MRPS23: variants seen among roughly 807,000 people sequenced by gnomAD.
MRPS23 encodes mitochondrial ribosomal protein S23.
MRPS23 carries 14 observed loss-of-function variants against 19.8 expected under a neutral mutation model. That is an observed-to-expected ratio of 0.71 (90% CI 0.47 to 1.11). The LOEUF is 1.11. Among genes scored for constraint, MRPS23 ranks in the 50% least tolerant of loss-of-function variants. The probability of loss-of-function intolerance (pLI) is 0.00; values close to 1 mark genes in which losing one functional copy is unlikely to be tolerated. For missense variants in MRPS23, 242 were observed against 236.7 expected, an observed-to-expected ratio of 1.02 and a Z score of -0.15; for synonymous variants, 113 against 89.7, an observed-to-expected ratio of 1.26 and a Z score of -1.47.
At position 57,845,031 on chromosome 17, in the gene MRPS23, G is replaced by A. The variant is rs565755451; in HGVS notation, c.216-3771C>T. On this transcript the variant is annotated intron_variant, in intron 2 of 4. Coordinates refer to ENST00000313608, the MANE Select transcript of MRPS23 (RefSeq NM_016070.4). ...TCCCACCTCAGCCTCCAGACTAGCT[G>A]GGACTACAGGTGCATGCCACCACGC... Among the ~76,000 whole-genome samples, 7 of 152,074 alleles carry A rather than the reference G, an allele frequency of 4.6e-5. No homozygotes were observed. The South Asian group carries it at 1.5e-3, about 32-fold the overall frequency.
At position 57,839,908 on chromosome 17, in the gene MRPS23, T is replaced by C. The variant is rs2073730020; in HGVS notation, c.448A>G (p.Lys150Glu). The change falls in exon 5 of 5, where the codon AAA becomes GAA. Residue 150 changes from lysine to glutamate, a missense_variant. Physicochemically the swap from Lys to Glu is moderately conservative, Grantham distance 56 (BLOSUM62 1). Coordinates refer to ENST00000313608, the MANE Select transcript of MRPS23 (RefSeq NM_016070.4). ...GGTCTGACACTCAAGTGTTCGGATT[T>C]CCGGGAAACGTGACTACCTCCGTGT... ...TQHGGSHVSR[K>E]SEHLSVRPQT... The C allele has an allele frequency of 6.2e-7, 1 of 1,614,122 alleles. No homozygotes were observed. Among genetic ancestry groups the C allele is most frequent in the Non-Finnish European group, 8.5e-7 (1 of 1,180,066 alleles).
rs764823014 is a variant in MRPS23, at chr17:57,849,248, C to A, written c.207G>T (p.Arg69=). The A allele has an allele frequency of 1.2e-5, 20 of 1,614,092 alleles. No individual in the cohort carries two copies. Among genetic ancestry groups the A allele is most frequent in the Non-Finnish European group, 1.7e-5 (20 of 1,180,022 alleles). Reference sequence around the variant, plus strand: ...CAGGGCTGAGCACTCACGCTCTAATCCGATCCTCGTGGTACCAGATGTCTT... The same window carrying A: ...CAGGGCTGAGCACTCACGCTCTAATACGATCCTCGTGGTACCAGATGTCTT... The part of the protein sequence containing the change: ...PIQDIWYHED[R]IRAKFYSVYG... Residue 69 remains arginine, a synonymous_variant, in exon 2 of 5, where the codon CGG becomes CGT. Transcript: ENST00000313608.
rs1432344951 is a variant in MRPS23, at chr17:57,836,375, GGGGTTCAGTAA to G, written c.*3397_*3407del. The stretch of plus-strand genomic sequence containing the variant: ...AGCACCTTATGAACACAATCTGTAG[GGGGTTCAGTAA>G]GGGACTTGATATTATGTATTTTCCG... On this transcript the variant is annotated 3_prime_UTR_variant, in exon 5 of 5. Transcript: ENST00000313608. The G allele has an allele frequency of 6.6e-6, 1 of 152,198 alleles. No homozygotes were observed. Among genetic ancestry groups the G allele is most frequent in the East Asian group, 1.9e-4 (1 of 5,196 alleles). 9.4% of individuals were successfully genotyped at this position (152,198 alleles called of 1,614,324 possible). A position where few individuals can be genotyped will look rare whatever the true frequency, so the allele number is the denominator to read the frequency against.
At chr17:57,849,725 C>T (rs2073799696) in intron 1 of MRPS23, 1 of 608,930 alleles carries the variant, frequency 1.6e-6, no homozygotes, top group Admixed American at 3.0e-5. Context: ...TTCCTAGAGA[C>T]CTCCACTCGG....
intron 1 of MRPS23, 76 bp from the exon 2 acceptor site, chr17:57,849,486 T>C (rs1301115328): frequency 6.5e-7 from 1 of 1,543,998 alleles, no homozygotes; most frequent in African/African-American, 1.4e-5. Flanking sequence ...TAGCACAGTT[T>C]GGGACATTAA....
At position 57,839,571 on chromosome 17, in the gene MRPS23, T is replaced by G. The variant is rs576497303; in HGVS notation, c.*212A>C. On this transcript the variant is annotated 3_prime_UTR_variant, in exon 5 of 5. Coordinates refer to ENST00000313608, the MANE Select transcript of MRPS23 (RefSeq NM_016070.4). ...ACTTTATAAGCAGCTAGGGAATTCT[T>G]TATTTAGTAATGTCCTAACATAAAA... 5 of 436,730 alleles carry G rather than the reference T, an allele frequency of 1.1e-5. No homozygotes were observed. The South Asian group carries it at 3.5e-4, about 31-fold the overall frequency. The allele number at this position is 436,730 out of a possible 1,614,324, so 27.1% of individuals were successfully genotyped here.
chr17:57,845,187 G>A (rs2073764837), intron 2 of MRPS23, among the ~76,000 whole-genome samples: 1 of 152,188 alleles, frequency 6.6e-6, no homozygotes, highest in Admixed American at 6.5e-5. Context: ...TGAGAGCAAA[G>A]CACAAATGAT....
intron 2 of MRPS23, among the ~76,000 whole-genome samples, chr17:57,847,700 CTT>C (rs113062081): frequency 4.3e-5 from 6 of 140,692 alleles, no homozygotes; most frequent in Non-Finnish European, 3.1e-5. Context: ...AAAAACAAAA[CTT>C]TTTTTTTTTT....
rs1163421305 is a variant in MRPS23 at position 57,840,009 on chromosome 17, T to C, written c.421-74A>G. 1.7e-5 allele frequency: 27 copies of C among 1,553,850 alleles called. No homozygotes were observed. The East Asian group carries it at 6.1e-4, about 35-fold the overall frequency. On this transcript the variant is annotated intron_variant, in intron 4 of 4. Transcript: ENST00000313608. ...AATTAATTCGCTAAAGATATATAAC[T>C]AGGCACATTCTGTCACTGAGTGAAA...
chr17:57,839,579 TA>T lies in MRPS23; in HGVS notation c.*203del. The T allele has an allele frequency of 2.1e-6, 1 of 467,198 alleles. No individual in the cohort carries two copies. The highest frequency in any genetic ancestry group is 6.0e-5 in the South Asian group (1 of 16,702). 28.9% of individuals were successfully genotyped at this position (467,198 alleles called of 1,614,324 possible). Reference sequence around the variant, plus strand: ...AGCAGCTAGGGAATTCTTTATTTAGTAATGTCCTAACATAAAAGTTCACATA... The same window carrying T: ...AGCAGCTAGGGAATTCTTTATTTAGTATGTCCTAACATAAAAGTTCACATA... On this transcript the variant is annotated 3_prime_UTR_variant, in exon 5 of 5. Transcript: ENST00000313608.
At chr17:57,844,858 A>C (rs1409992418) in intron 2 of MRPS23, among the ~76,000 whole-genome samples, 1 of 152,070 alleles carries the variant, frequency 6.6e-6, no homozygotes, top group East Asian at 1.9e-4. Flanking sequence ...CATCCAGTCC[A>C]AATCTACAGC....
chr17:57,843,551 A>T (rs2073753873), intron 2 of MRPS23, among the ~76,000 whole-genome samples: 1 of 152,208 alleles, frequency 6.6e-6, no homozygotes, highest in Admixed American at 6.5e-5. Flanking sequence ...TGGTATTTAG[A>T]GATGGAGGCT....
At position 57,839,574 on chromosome 17, in the gene MRPS23, T is replaced by C. The variant is rs1568014701; in HGVS notation, c.*209A>G. The C allele has an allele frequency of 2.2e-6, 1 of 447,554 alleles. No individual in the cohort carries two copies. Among genetic ancestry groups the C allele is most frequent in the East Asian group, 3.4e-5 (1 of 29,296 alleles). The allele number at this position is 447,554 out of a possible 1,614,324, so 27.7% of individuals were successfully genotyped here. On this transcript the variant is annotated 3_prime_UTR_variant, in exon 5 of 5. Coordinates refer to ENST00000313608, the MANE Select transcript of MRPS23 (RefSeq NM_016070.4). ...TTATAAGCAGCTAGGGAATTCTTTA[T>C]TTAGTAATGTCCTAACATAAAAGTT...
In MRPS23 at chr17:57,849,954, T is replaced by C; in HGVS notation, c.44+13A>G. ...GGAGGCACCCTCAGCCCACCACGGC[T>C]GGGAGCACACACCGAGAGAAGATGC... On this transcript the variant is annotated intron_variant, in intron 1 of 4. Coordinates refer to ENST00000313608, the MANE Select transcript of MRPS23 (RefSeq NM_016070.4). The C allele has an allele frequency of 6.3e-7, 1 of 1,585,170 alleles. No individual in the cohort carries two copies. Among genetic ancestry groups the C allele is most frequent in the Non-Finnish European group, 8.5e-7 (1 of 1,172,950 alleles).
rs756185274 is a variant in MRPS23 at position 57,839,945 on chromosome 17, C to T, written c.421-10G>A. The stretch of plus-strand genomic sequence containing the variant: ...GACTACCTCCGTGTTGCTTAAAAGA[C>T]CAGATTTAAGTATCACAGAGATGTT... On this transcript the variant is annotated splice_polypyrimidine_tract_variant and intron_variant, in intron 4 of 4. Coordinates refer to ENST00000313608, the MANE Select transcript of MRPS23 (RefSeq NM_016070.4). The T allele has an allele frequency of 1.9e-6, 3 of 1,613,716 alleles. No homozygotes were observed. Among genetic ancestry groups the T allele is most frequent in the Non-Finnish European group, 2.5e-6 (3 of 1,179,778 alleles).
intron 1 of MRPS23, 49 bp downstream of exon 1, chr17:57,849,918 C>G: frequency 2.6e-6 from 4 of 1,564,464 alleles, no homozygotes; most frequent in Non-Finnish European, 3.4e-6. Context: ...GGCTGAGAAC[C>G]CCAGCCTGGG....
At chr17:57,842,887 TATATACACACACACAC>T (rs1464806506) in intron 2 of MRPS23, among the ~76,000 whole-genome samples, 10 of 97,540 alleles carry the variant, frequency 1.0e-4, no homozygotes, top group South Asian at 4.0e-4. Context: ...AAAATATATA[TATATACACACACACAC>T]ACACACACAC....
chr17:57,842,961 G>C (rs2073750405), intron 2 of MRPS23, among the ~76,000 whole-genome samples: 2 of 138,800 alleles, frequency 1.4e-5, no homozygotes, highest in South Asian at 2.3e-4. Flanking sequence ...GCTCACACCT[G>C]TAATCCCAGC....
intron 2 of MRPS23, among the ~76,000 whole-genome samples, chr17:57,842,421 GGAGGCACTGTATC>G (rs1449969443): frequency 1.3e-5 from 2 of 152,190 alleles, no homozygotes; most frequent in African/African-American, 4.8e-5. Context: ...ACCCCCAAAA[GGAGGCACTGTATC>G]TGAGCAGTCA....
Sources: gnomAD v4.1 joint callset for allele counts (sites outside exome capture counted in the v4.1 genomes callset) on GRCh38, gnomAD v4.1.1 for gene constraint, MANE v1.5 for transcripts, NCBI Gene and HGNC (gene_info 2026-07-23, HGNC 2026-07-21) for gene names.